The following RCAN2 variants were observed in gnomAD, a reference collection of about 807,000 sequenced individuals.
RCAN2 encodes the protein regulator of calcineurin 2, also known as calcipressin-2.
A neutral mutation model predicts 23.6 loss-of-function variants in RCAN2; 9 were observed. The ratio of observed to expected loss-of-function variants is 0.38; its 90% CI spans 0.23 to 0.67. RCAN2 has a LOEUF of 0.67. Among genes scored for constraint, RCAN2 ranks in the 30% least tolerant of loss-of-function variants. RCAN2 has a pLI of 0.51. For synonymous variants in RCAN2, 109 were observed against 115.7 expected (o/e 0.94, Z 0.37); for missense variants, 273 against 302.3 (o/e 0.90, Z 0.72).
At chr6:46,274,896 A>C (rs1201403476) in intron 2 of RCAN2, among the ~76,000 whole-genome samples, 1 of 152,178 alleles carries the variant, frequency 6.6e-6, no homozygotes, top group Non-Finnish European at 1.5e-5. Context: ...AGGAAGATGG[A>C]GGGTAACCAC....
chr6:46,423,978 C>T (rs1473697483), intron 2 of RCAN2, among the ~76,000 whole-genome samples: 3 of 152,274 alleles, frequency 2.0e-5, no homozygotes, highest in East Asian at 1.9e-4. Flanking sequence ...CCCAAGAACA[C>T]GCAGCCAATA....
chr6:46,255,264 G>T (rs1238306977), intron 2 of RCAN2, among the ~76,000 whole-genome samples: 1 of 152,088 alleles, frequency 6.6e-6, no homozygotes, highest in Non-Finnish European at 1.5e-5. Context: ...GTGTGTATGT[G>T]TGTGTGTGTT....
chr6:46,408,242 G>A (rs1404302341), intron 2 of RCAN2, among the ~76,000 whole-genome samples: 2 of 152,084 alleles, frequency 1.3e-5, no homozygotes, highest in African/African-American at 4.8e-5. Flanking sequence ...ACATAATTTT[G>A]CTCAGGTACC....
chr6:46,346,795 A>G (rs529865510), intron 2 of RCAN2, among the ~76,000 whole-genome samples: 45 of 152,072 alleles, frequency 3.0e-4, no homozygotes, highest in African/African-American at 1.1e-3. Flanking sequence ...ATCATCTGCA[A>G]TATAATTTTG....
Position 46,339,524 on chromosome 6 carries a change from G to C in RCAN2, c.226-90628C>G, listed in dbSNP as rs568966764. Among the ~76,000 whole-genome samples the C allele has an allele frequency of 1.1e-4, 16 of 152,166 alleles. No homozygotes were observed. In the East Asian group the frequency reaches 2.9e-3, roughly 28 times the overall value. On this transcript the variant is annotated intron_variant, in intron 2 of 4. Transcript: ENST00000371374. ...ATATTGTTGGGCTGCCCAAAGTGGA[G>C]TTAGGGATCAGGGGTGGGAAGCTAT... is the stretch of plus-strand genomic sequence containing the variant.
chr6:46,455,842 G>A (rs1374710507), intron 2 of RCAN2, among the ~76,000 whole-genome samples: 5 of 145,056 alleles, frequency 3.4e-5, no homozygotes, highest in African/African-American at 1.3e-4. Context: ...GGGCAACAGA[G>A]CGAGATTCCG....
At chr6:46,237,042 G>C (rs1019944151) in intron 4 of RCAN2, among the ~76,000 whole-genome samples, 106 of 150,346 alleles carry the variant, frequency 7.1e-4, no homozygotes, top group African/African-American at 2.5e-3. Flanking sequence ...TGACTTCAAA[G>C]AATGTGTTCA....
chr6:46,384,022 A>G (rs1765677493), intron 2 of RCAN2, among the ~76,000 whole-genome samples: 2 of 152,146 alleles, frequency 1.3e-5, no homozygotes, highest in African/African-American at 4.8e-5. Flanking sequence ...GTTCATCTCT[A>G]CATACTCCCC....
At chr6:46,362,418 A>T (rs2150384230) in intron 2 of RCAN2, among the ~76,000 whole-genome samples, 1 of 152,052 alleles carries the variant, frequency 6.6e-6, no homozygotes, top group African/African-American at 2.4e-5. Context: ...ATTGGTATAT[A>T]TAATATAAGG....
intron 2 of RCAN2, among the ~76,000 whole-genome samples, chr6:46,344,640 A>G (rs1282523904): frequency 2.6e-5 from 4 of 152,050 alleles, no homozygotes; most frequent in East Asian, 3.8e-4. Flanking sequence ...AGTTTAAGGC[A>G]TACTATAATA....
chr6:46,243,809 C>CAAAAAAAAAAAAAAAA (rs376524527), intron 4 of RCAN2, among the ~76,000 whole-genome samples: 1 of 55,030 alleles, frequency 1.8e-5, no homozygotes, highest in Non-Finnish European at 3.0e-5. Flanking sequence ...GATTCTGTCT[C>CAAAAAAAAAAAAAAAA]AAAAAAAAAA....
chr6:46,411,928 T>G (rs953839754), intron 2 of RCAN2, among the ~76,000 whole-genome samples: 1 of 152,186 alleles, frequency 6.6e-6, no homozygotes, highest in African/African-American at 2.4e-5. Flanking sequence ...GGGAAGTGAT[T>G]GGAGGGCTTT....
chr6:46,483,252 A>G (rs1768913223), intron 1 of RCAN2, among the ~76,000 whole-genome samples: 1 of 152,218 alleles, frequency 6.6e-6, no homozygotes, highest in South Asian at 2.1e-4. Context: ...TGGCTCGATG[A>G]AGGTAATTTA....
At chr6:46,425,818 A>C (rs1410913529) in intron 2 of RCAN2, among the ~76,000 whole-genome samples, 1 of 152,062 alleles carries the variant, frequency 6.6e-6, no homozygotes, top group Admixed American at 6.5e-5. Context: ...TATACATTAA[A>C]TATTTCTCAG....
chr6:46,424,395 A>G (rs1294771808), intron 2 of RCAN2, among the ~76,000 whole-genome samples: 2 of 152,080 alleles, frequency 1.3e-5, no homozygotes, highest in Non-Finnish European at 2.9e-5. Flanking sequence ...CATCTTAATC[A>G]CTAGGGTGTC....
At chr6:46,396,768 C>G (rs1168717870) in intron 2 of RCAN2, among the ~76,000 whole-genome samples, 1 of 152,140 alleles carries the variant, frequency 6.6e-6, no homozygotes, top group Non-Finnish European at 1.5e-5. Flanking sequence ...TTCAAAGAGG[C>G]ATCTATCCCT....
intron 2 of RCAN2, among the ~76,000 whole-genome samples, chr6:46,261,389 A>C (rs565596576): frequency 9.2e-5 from 14 of 152,316 alleles, no homozygotes; most frequent in African/African-American, 3.4e-4. Flanking sequence ...CCTTACTATA[A>C]AATAGAAATA....
chr6:46,229,060 T>C (rs1379547847), intron 4 of RCAN2, among the ~76,000 whole-genome samples: 1 of 152,206 alleles, frequency 6.6e-6, no homozygotes, highest in East Asian at 1.9e-4. Flanking sequence ...AAATTCTGGG[T>C]TGAAAATTCT....
At chr6:46,371,426 C>T (rs1043201070) in intron 2 of RCAN2, among the ~76,000 whole-genome samples, 7 of 152,242 alleles carry the variant, frequency 4.6e-5, no homozygotes, top group African/African-American at 1.7e-4. Flanking sequence ...CATCATATCT[C>T]ATGGTATCTC....
Sources: gnomAD v4.1 joint callset for allele counts (sites outside exome capture counted in the v4.1 genomes callset) on GRCh38, gnomAD v4.1.1 for gene constraint, MANE v1.5 for transcripts, NCBI Gene and HGNC (gene_info 2026-07-23, HGNC 2026-07-21) for gene names.